The following CRISPLD1 variants were observed in gnomAD, a reference collection of about 807,000 sequenced individuals.
CRISPLD1 encodes the protein cysteine-rich secretory protein LCCL domain-containing 1.
Under a neutral mutation model 77.5 loss-of-function variants are expected in CRISPLD1, and 60 were observed. That is an observed-to-expected ratio of 0.77 (90% CI 0.63 to 0.96). The LOEUF (loss-of-function observed/expected upper bound fraction) is 0.96, where lower values mean the gene tolerates loss of function less well. CRISPLD1 is among the 40% of genes least tolerant of loss of function. The probability of loss-of-function intolerance (pLI) is 0.00; values close to 1 mark genes in which losing one functional copy is unlikely to be tolerated. For missense variants in CRISPLD1, 623 were observed against 615.8 expected (o/e 1.01, Z -0.12); for synonymous variants, 195 against 200.1 (o/e 0.97, Z 0.22).
intron 2 of CRISPLD1, among the ~76,000 whole-genome samples, chr8:74,996,150 A>C (rs887453736): frequency 1.3e-5 from 2 of 150,864 alleles, no homozygotes; most frequent in Non-Finnish European, 2.9e-5. Flanking sequence ...TGTGATATTT[A>C]GTTTACAGAA....
intron 2 of CRISPLD1, among the ~76,000 whole-genome samples, chr8:75,002,163 T>C (rs1407895676): frequency 6.6e-6 from 1 of 152,026 alleles, no homozygotes; most frequent in African/African-American, 2.4e-5. Context: ...ATATGAATTA[T>C]AAGATTATTT....
chr8:75,034,441 A>C lies in CRISPLD1; in HGVS notation c.*2199A>C, dbSNP rs950922623. The C allele has an allele frequency of 6.6e-6, 1 of 152,060 alleles. No individual in the cohort carries two copies. Among genetic ancestry groups the C allele is most frequent in the African/African-American group, 2.4e-5 (1 of 41,442 alleles). The allele number at this position is 152,060 out of a possible 1,614,324, so 9.4% of individuals were successfully genotyped here. ...TTTTGTTATCTAATTTGGGGAAACT[A>C]TTCATCTGTCATATACTATTGATCC... On this transcript the variant is annotated 3_prime_UTR_variant, in exon 15 of 15. Coordinates refer to ENST00000262207, the MANE Select transcript of CRISPLD1 (RefSeq NM_031461.6).
intron 3 of CRISPLD1, 98 bp from the exon 4 acceptor site, chr8:75,012,792 G>A: frequency 7.3e-7 from 1 of 1,360,652 alleles, no homozygotes; most frequent in Non-Finnish European, 1.0e-6. Flanking sequence ...TTACGCCAAA[G>A]TGTCTTTCTA....
chr8:74,989,849 T>G lies in CRISPLD1; in HGVS notation c.258+3604T>G, dbSNP rs569374092. On this transcript the variant is annotated intron_variant, in intron 2 of 14. Coordinates refer to ENST00000262207, the MANE Select transcript of CRISPLD1 (RefSeq NM_031461.6). ...TGTCTAGAAGAGTTTTCCCTGGGTT[T>G]TCTTGTACAGTTTTTATAGTTTCAG... Among the ~76,000 whole-genome samples, 17 of 152,338 alleles carry G rather than the reference T, an allele frequency of 1.1e-4. No individual in the cohort carries two copies. In the East Asian group the frequency reaches 3.3e-3, roughly 29 times the overall value.
At chr8:74,990,119 G>A (rs1336635401) in intron 2 of CRISPLD1, among the ~76,000 whole-genome samples, 1 of 152,100 alleles carries the variant, frequency 6.6e-6, no homozygotes, top group Non-Finnish European at 1.5e-5. Flanking sequence ...AGGGTGGCAA[G>A]AGATGAGAAA....
At chr8:75,014,507 A>G (rs1320930997) in intron 5 of CRISPLD1, among the ~76,000 whole-genome samples, 1 of 152,154 alleles carries the variant, frequency 6.6e-6, no homozygotes, top group African/African-American at 2.4e-5. Context: ...AAGTTTAATA[A>G]TGTGTTTTTA....
chr8:75,011,681 TATTTA>T (rs1377930161), intron 2 of CRISPLD1, among the ~76,000 whole-genome samples: 1 of 152,050 alleles, frequency 6.6e-6, no homozygotes, highest in African/African-American at 2.4e-5. Context: ...AATTTGTCAT[TATTTA>T]ATTTTAATTT....
chr8:74,992,004 A>G (rs2128781017), intron 2 of CRISPLD1, among the ~76,000 whole-genome samples: 1 of 152,324 alleles, frequency 6.6e-6, no homozygotes, highest in South Asian at 2.1e-4. Context: ...CTGAATTGCT[A>G]GAAGGGTAAG....
intron 2 of CRISPLD1, among the ~76,000 whole-genome samples, chr8:74,988,414 A>G (rs1587002744): frequency 1.3e-5 from 2 of 152,200 alleles, no homozygotes; most frequent in Admixed American, 1.3e-4. Context: ...TTGACTAACC[A>G]GTTACCTATT....
At chr8:75,029,653 CA>C in intron 14 of CRISPLD1, 136 bp downstream of exon 14, 1 of 783,984 alleles carries the variant, frequency 1.3e-6, no homozygotes. Context: ...TTCCTTTGCA[CA>C]CTTGTGTACC....
intron 13 of CRISPLD1, among the ~76,000 whole-genome samples, chr8:75,028,900 A>G (rs1037932106): frequency 4.6e-5 from 7 of 151,992 alleles, no homozygotes; most frequent in African/African-American, 1.7e-4. Context: ...TGTATTTTGG[A>G]AGAGGGGCCA....
intron 2 of CRISPLD1, among the ~76,000 whole-genome samples, chr8:75,012,131 TTATGTA>T (rs1318922790): frequency 6.6e-6 from 1 of 152,000 alleles, no homozygotes; most frequent in Non-Finnish European, 1.5e-5. Flanking sequence ...ACCTTGGACT[TTATGTA>T]TATGGGGATT....
chr8:75,010,921 G>A (rs1812917652), intron 2 of CRISPLD1, among the ~76,000 whole-genome samples: 1 of 151,556 alleles, frequency 6.6e-6, no homozygotes. Context: ...CTCTCTACTT[G>A]GCATATGTGC....
At chr8:75,018,980 T>C (rs984063399) in intron 10 of CRISPLD1, among the ~76,000 whole-genome samples, 4 of 152,198 alleles carry the variant, frequency 2.6e-5, no homozygotes, top group Non-Finnish European at 5.9e-5. Flanking sequence ...AGTTATTAGC[T>C]TTAGTAAGCC....
chr8:75,030,046 T>C (rs930604530), intron 14 of CRISPLD1, among the ~76,000 whole-genome samples: 2 of 152,152 alleles, frequency 1.3e-5, no homozygotes, highest in Non-Finnish European at 2.9e-5. Flanking sequence ...ATTTTGGTGA[T>C]TTGAGAAAAT....
At chr8:75,011,269 T>C (rs1587015930) in intron 2 of CRISPLD1, among the ~76,000 whole-genome samples, 1 of 112,110 alleles carries the variant, frequency 8.9e-6, no homozygotes. Context: ...ATGCTATGCC[T>C]CCCCCCTCCC....
chr8:75,019,929 A>C lies in CRISPLD1; in HGVS notation c.1171+16A>C. 6.2e-7 allele frequency: 1 copy of C among 1,612,726 alleles called. No individual in the cohort carries two copies. The highest frequency in any genetic ancestry group is 8.5e-7 in the Non-Finnish European group (1 of 1,178,734). ...AAAGTAACAGGTTAGCACATTCTTC[A>C]TCTTATTTTCTTAGTACTGTGTAGT... is the stretch of plus-strand genomic sequence containing the variant. On this transcript the variant is annotated intron_variant, in intron 11 of 14. Transcript: ENST00000262207.
chr8:75,018,834 C>T (rs1048901256), intron 10 of CRISPLD1, among the ~76,000 whole-genome samples: 2 of 152,064 alleles, frequency 1.3e-5, no homozygotes, highest in Non-Finnish European at 2.9e-5. Flanking sequence ...TCAAGTGATC[C>T]ACCAGCCTCA....
chr8:74,995,004 T>A (rs1331899550), intron 2 of CRISPLD1, among the ~76,000 whole-genome samples: 1 of 152,116 alleles, frequency 6.6e-6, no homozygotes, highest in Non-Finnish European at 1.5e-5. Flanking sequence ...TGCCATTAGA[T>A]ACAAGGCAGT....
Sources: gnomAD v4.1 joint callset for allele counts (sites outside exome capture counted in the v4.1 genomes callset) on GRCh38, gnomAD v4.1.1 for gene constraint, MANE v1.5 for transcripts, NCBI Gene and HGNC (gene_info 2026-07-23, HGNC 2026-07-21) for gene names.